PDLIM5: variants seen among roughly 807,000 people sequenced by gnomAD.
The protein encoded by PDLIM5 is PDZ and LIM domain 5.
A neutral mutation model predicts 64.2 loss-of-function variants in PDLIM5; 34 were observed. The observed-to-expected ratio is 0.53, with a 90% confidence interval of 0.40 to 0.71. The LOEUF (loss-of-function observed/expected upper bound fraction) is 0.71. Ranked by LOEUF, PDLIM5 falls within the 30% of genes least tolerant of loss-of-function variation. PDLIM5 has a pLI of 0.00. For synonymous variants in PDLIM5, 253 were observed against 269.1 expected (o/e 0.94, Z 0.59); for missense variants, 683 against 733.6 (o/e 0.93, Z 0.80).
At chr4:94,587,213 A>T (rs1553963862) in intron 7 of PDLIM5, 1 of 1,447,662 alleles carries the variant, frequency 6.9e-7, no homozygotes, top group East Asian at 2.9e-5. Flanking sequence ...TTTTCTAACA[A>T]TTTCCTATTG....
At chr4:94,573,293 C>T in intron 3 of PDLIM5, 58 bp from the exon 4 acceptor site, 1 of 1,350,536 alleles carries the variant, frequency 7.4e-7, no homozygotes, top group Non-Finnish European at 1.0e-6. Flanking sequence ...ATTAAGAAGT[C>T]TGCAAGTTTA....
At chr4:94,560,910 T>C (rs1254248130) in intron 3 of PDLIM5, among the ~76,000 whole-genome samples, 3 of 152,068 alleles carry the variant, frequency 2.0e-5, no homozygotes, top group Admixed American at 6.5e-5. Flanking sequence ...GTGTTTTTAG[T>C]AGAGACAGGG....
At chr4:94,516,376 C>G (rs1729357739) in intron 2 of PDLIM5, among the ~76,000 whole-genome samples, 1 of 152,202 alleles carries the variant, frequency 6.6e-6, no homozygotes, top group South Asian at 2.1e-4. Context: ...GTAAGTACTG[C>G]TCATATGAGT....
chr4:94,578,512 G>A (rs560487969), intron 5 of PDLIM5, among the ~76,000 whole-genome samples: 1 of 152,132 alleles, frequency 6.6e-6, no homozygotes, highest in African/African-American at 2.4e-5. Flanking sequence ...ATAAAAACTT[G>A]ATTACTCTGA....
At chr4:94,560,960 C>T (rs1470907776) in intron 3 of PDLIM5, among the ~76,000 whole-genome samples, 1 of 152,104 alleles carries the variant, frequency 6.6e-6, no homozygotes, top group Non-Finnish European at 1.5e-5. Context: ...ATCTCCTGAC[C>T]TCATGATCCG....
intron 2 of PDLIM5, among the ~76,000 whole-genome samples, chr4:94,504,436 G>A (rs955302189): frequency 5.3e-5 from 8 of 151,956 alleles, no homozygotes; most frequent in South Asian, 2.1e-4. Flanking sequence ...ACAGGTGTGC[G>A]CCACCACGCC....
chr4:94,524,362 C>T (rs1730137123), intron 3 of PDLIM5, among the ~76,000 whole-genome samples: 2 of 108,858 alleles, frequency 1.8e-5, no homozygotes, highest in South Asian at 2.8e-4. Context: ...GAACGAGACC[C>T]TGTCTCAAAA....
At chr4:94,471,504 A>G (rs1444023703) in intron 2 of PDLIM5, among the ~76,000 whole-genome samples, 2 of 151,992 alleles carry the variant, frequency 1.3e-5, no homozygotes, top group Non-Finnish European at 2.9e-5. Context: ...TGCTTTTTTC[A>G]TAGCAGTCTT....
intron 2 of PDLIM5, among the ~76,000 whole-genome samples, chr4:94,512,221 A>G (rs981481327): frequency 2.7e-4 from 41 of 151,822 alleles, no homozygotes; most frequent in Non-Finnish European, 5.3e-4. Context: ...GGGTTTCACC[A>G]TGTTGGCCCG....
At chr4:94,643,222 G>A (rs1026034861) in intron 9 of PDLIM5, among the ~76,000 whole-genome samples, 18 of 152,048 alleles carry the variant, frequency 1.2e-4, no homozygotes, top group African/African-American at 4.1e-4. Context: ...TATTTGAATT[G>A]TGAAAAGTTT....
chr4:94,474,975 A>G (rs1377669078), intron 2 of PDLIM5, among the ~76,000 whole-genome samples: 4 of 152,232 alleles, frequency 2.6e-5, no homozygotes, highest in Admixed American at 2.6e-4. Context: ...ATAATAGCTA[A>G]GTATTTTCTT....
At chr4:94,501,106 G>A (rs1727878756) in intron 2 of PDLIM5, among the ~76,000 whole-genome samples, 1 of 149,084 alleles carries the variant, frequency 6.7e-6, no homozygotes, top group Admixed American at 6.7e-5. Context: ...TCTCAGACAA[G>A]GTCTTGCCCA....
At chr4:94,517,109 T>G (rs992517459) in intron 2 of PDLIM5, among the ~76,000 whole-genome samples, 1 of 152,236 alleles carries the variant, frequency 6.6e-6, no homozygotes, top group Non-Finnish European at 1.5e-5. Flanking sequence ...TTCTGCTCAC[T>G]TTACTAGTCC....
At chr4:94,609,468 A>G (rs752665641) in intron 7 of PDLIM5, among the ~76,000 whole-genome samples, 90 of 152,210 alleles carry the variant, frequency 5.9e-4, no homozygotes, top group Non-Finnish European at 1.1e-3. Context: ...AAAATGCTAT[A>G]CCTGCATTTA....
At chr4:94,511,736 CTG>C (rs1728900258) in intron 2 of PDLIM5, among the ~76,000 whole-genome samples, 3 of 152,230 alleles carry the variant, frequency 2.0e-5, no homozygotes, top group Admixed American at 6.5e-5. Flanking sequence ...GCTTATCTTT[CTG>C]TGCCTGGCTT....
chr4:94,491,639 T>A (rs1453942669), intron 2 of PDLIM5, among the ~76,000 whole-genome samples: 1 of 152,078 alleles, frequency 6.6e-6, no homozygotes, highest in Non-Finnish European at 1.5e-5. Context: ...AATGTGCATT[T>A]TATCACCTCT....
At chr4:94,500,178 A>G (rs993787592) in intron 2 of PDLIM5, among the ~76,000 whole-genome samples, 11 of 152,226 alleles carry the variant, frequency 7.2e-5, no homozygotes, top group Non-Finnish European at 1.3e-4. Context: ...CCTTGTACAT[A>G]GTAGAGAATC....
chr4:94,650,476 T>C lies in PDLIM5; in HGVS notation c.1284-3984T>C, dbSNP rs145612277. 4.1e-3 allele frequency among the ~76,000 whole-genome samples: 620 copies of C among 152,344 alleles called. 4 individuals carry two copies. The highest frequency in any genetic ancestry group is 0.014 in the African/African-American group (588 of 41,580). On this transcript the variant is annotated intron_variant, in intron 9 of 12. Coordinates refer to ENST00000317968, the MANE Select transcript of PDLIM5 (RefSeq NM_006457.5). ...GAAACTTGTTTTTTACTTCTATTGA[T>C]ACAGTAATTTTCAGTCGAATAAAAT...
At chr4:94,538,192 A>G (rs1430507534) in intron 3 of PDLIM5, among the ~76,000 whole-genome samples, 2 of 152,214 alleles carry the variant, frequency 1.3e-5, no homozygotes, top group African/African-American at 4.8e-5. Flanking sequence ...TAGCAGCTCC[A>G]GTGTGTGCAT....
Sources: gnomAD v4.1 joint callset for allele counts (sites outside exome capture counted in the v4.1 genomes callset) on GRCh38, gnomAD v4.1.1 for gene constraint, MANE v1.5 for transcripts, NCBI Gene and HGNC (gene_info 2026-07-23, HGNC 2026-07-21) for gene names.